The following ENOX1 variants were observed in gnomAD, a reference collection of about 807,000 sequenced individuals.
ENOX1 encodes the protein ecto-NOX disulfide-thiol exchanger 1.
In ENOX1, 42 loss-of-function variants were observed where a neutral mutation model predicts 82.5. The observed-to-expected ratio is 0.51, with a 90% CI of 0.40 to 0.66. The LOEUF is 0.66. Among genes scored for constraint, ENOX1 ranks in the 30% least tolerant of loss-of-function variants. ENOX1 has a pLI of 0.00. For synonymous variants in ENOX1, 271 were observed against 282.2 expected (o/e 0.96, Z 0.40); for missense variants, 608 against 811.6 (o/e 0.75, Z 3.05).
chr13:43,344,321 C>T (rs897092533), intron 9 of ENOX1, among the ~76,000 whole-genome samples: 4 of 152,182 alleles, frequency 2.6e-5, no homozygotes, highest in African/African-American at 9.7e-5. Flanking sequence ...GGAAAAGCTA[C>T]AGAAACGTTG....
intron 1 of ENOX1, among the ~76,000 whole-genome samples, chr13:43,672,892 T>C (rs2085334109): frequency 6.6e-6 from 1 of 152,174 alleles, no homozygotes; most frequent in Non-Finnish European, 1.5e-5. Context: ...CCTACAGTTC[T>C]ACAGCTATGT....
At position 43,480,511 on chromosome 13, in the gene ENOX1, A is replaced by G. The variant is rs866042914; in HGVS notation, c.-75+3498T>C. Among the ~76,000 whole-genome samples the G allele has an allele frequency of 2.0e-5, 3 of 152,348 alleles. No homozygotes were observed. In the South Asian group the frequency reaches 6.2e-4, roughly 32 times the overall value. ...CTCCCAAAGAGAAAAAGGATGATTT[A>G]AAAACTGAGACTAGGATGATACAGG... On this transcript the variant is annotated intron_variant, in intron 3 of 16. Transcript: ENST00000690772.
intron 1 of ENOX1, among the ~76,000 whole-genome samples, chr13:43,742,903 C>T (rs1320117258): frequency 2.0e-5 from 1 of 50,610 alleles, no homozygotes; most frequent in Non-Finnish European, 9.2e-5. Flanking sequence ...CTCAAACTAC[C>T]GTGTGTAAAA....
chr13:43,461,514 G>T (rs2057484647), intron 3 of ENOX1, among the ~76,000 whole-genome samples: 1 of 152,154 alleles, frequency 6.6e-6, no homozygotes, highest in Admixed American at 6.5e-5. Flanking sequence ...AAATTGCAAG[G>T]TCTCTGTCCT....
chr13:43,359,863 T>A lies in ENOX1; in HGVS notation c.577A>T (p.Ile193Phe). The change falls in exon 7 of 17, where the codon ATT becomes TTT. Residue 193 changes from isoleucine (I) to phenylalanine (F), a missense_variant. Transcript: ENST00000690772. ...TAATGCAAAGTACCAGAAAGGTAAATGGCTTTATCAACCATGAATTCCTCT... is the reference window on the plus strand; with the variant it reads ...TAATGCAAAGTACCAGAAAGGTAAAAGGCTTTATCAACCATGAATTCCTCT... ...FAEEFMVDKAIYLSGYRMRLG... is the reference protein window; with the variant it reads ...FAEEFMVDKAFYLSGYRMRLG... 1 of 1,614,146 alleles carries A rather than the reference T, an allele frequency of 6.2e-7. No individual in the cohort carries two copies. Among genetic ancestry groups the A allele is most frequent in the South Asian group, 1.1e-5 (1 of 91,078 alleles).
chr13:43,768,990 TAAAC>T (rs910179753), intron 1 of ENOX1, among the ~76,000 whole-genome samples: 1 of 152,186 alleles, frequency 6.6e-6, no homozygotes, highest in Non-Finnish European at 1.5e-5. Flanking sequence ...GAAAATAAAA[TAAAC>T]AAATTGCTAT....
At chr13:43,542,056 C>T (rs535045005) in intron 2 of ENOX1, among the ~76,000 whole-genome samples, 1 of 152,340 alleles carries the variant, frequency 6.6e-6, no homozygotes, top group Non-Finnish European at 1.5e-5. Context: ...ACGTCAATAA[C>T]AAATGATACA....
intron 3 of ENOX1, among the ~76,000 whole-genome samples, chr13:43,466,289 A>G (rs1410096898): frequency 1.3e-5 from 2 of 152,198 alleles, no homozygotes; most frequent in Non-Finnish European, 2.9e-5. Context: ...ATTTAAAAAC[A>G]AACACTCATC....
chr13:43,568,222 G>T (rs537558691), intron 2 of ENOX1, among the ~76,000 whole-genome samples: 15 of 152,284 alleles, frequency 9.9e-5, no homozygotes, highest in African/African-American at 3.4e-4. Context: ...TCAGATAAAT[G>T]CTTTGCCTGA....
intron 2 of ENOX1, among the ~76,000 whole-genome samples, chr13:43,619,395 T>C (rs1345799051): frequency 6.6e-6 from 1 of 152,160 alleles, no homozygotes; most frequent in Non-Finnish European, 1.5e-5. Context: ...ACGTCTTAGA[T>C]GGCTTTTATT....
intron 2 of ENOX1, among the ~76,000 whole-genome samples, chr13:43,502,899 AG>A (rs1281956568): frequency 6.6e-6 from 1 of 151,468 alleles, no homozygotes; most frequent in Non-Finnish European, 1.5e-5. Flanking sequence ...TACTTTGTAA[AG>A]GAAATAATTG....
intron 9 of ENOX1, among the ~76,000 whole-genome samples, chr13:43,341,314 G>C (rs1445097430): frequency 1.3e-5 from 2 of 151,352 alleles, no homozygotes; most frequent in African/African-American, 4.9e-5. Flanking sequence ...AAAAGAGAGA[G>C]ATGCAGTGAT....
intron 5 of ENOX1, among the ~76,000 whole-genome samples, chr13:43,402,194 CAGGGAAGATACATTTTTAAA>C (rs1169761806): frequency 1.3e-5 from 2 of 151,972 alleles, no homozygotes; most frequent in Non-Finnish European, 2.9e-5. Flanking sequence ...TAAAGAAAGA[CAGGGAAGATACATTTTTAAA>C]AAAGAAGGAA....
At chr13:43,246,328 G>C (rs2043079113) in intron 14 of ENOX1, among the ~76,000 whole-genome samples, 1 of 152,214 alleles carries the variant, frequency 6.6e-6, no homozygotes. Flanking sequence ...TAGGTTGCCG[G>C]TTGCGTGGAT....
rs768517642 is a variant in ENOX1, at chr13:43,356,018, G to A, written c.724C>T (p.Arg242Trp). Residue 242 changes from arginine to tryptophan, a missense_variant, in exon 8 of 17, where the codon CGG becomes TGG. Coordinates refer to ENST00000690772, the MANE Select transcript of ENOX1 (RefSeq NM_001347969.2). ...AGCCGGTCCTCCTCCAGCTTGCGCCGGTGCCGCTCCTCCCGGGCACGCATC... is the reference window on the plus strand; with the variant it reads ...AGCCGGTCCTCCTCCAGCTTGCGCCAGTGCCGCTCCTCCCGGGCACGCATC... Reference protein sequence around the residue: ...QRMRAREERHRRKLEEDRLRP... With the variant: ...QRMRAREERHWRKLEEDRLRP... 16 of 1,614,034 alleles carry A rather than the reference G, an allele frequency of 9.9e-6. No homozygotes were observed. The highest frequency in any genetic ancestry group is 1.1e-5 in the Non-Finnish European group (13 of 1,180,020).
chr13:43,465,984 GCT>G (rs993246344), intron 3 of ENOX1, among the ~76,000 whole-genome samples: 77 of 152,112 alleles, frequency 5.1e-4, no homozygotes, highest in African/African-American at 1.8e-3. Flanking sequence ...CACTCCAATT[GCT>G]CTGTTTTCAT....
intron 1 of ENOX1, among the ~76,000 whole-genome samples, chr13:43,744,183 A>C (rs769746659): frequency 1.3e-5 from 2 of 152,154 alleles, no homozygotes; most frequent in African/African-American, 2.4e-5. Flanking sequence ...CTGCCTCCAC[A>C]GAGAACAGGA....
intron 2 of ENOX1, among the ~76,000 whole-genome samples, chr13:43,660,145 T>C (rs953729851): frequency 6.6e-6 from 1 of 152,192 alleles, no homozygotes; most frequent in Non-Finnish European, 1.5e-5. Context: ...TCAGTATAAT[T>C]TGGCTTACCT....
intron 5 of ENOX1, among the ~76,000 whole-genome samples, chr13:43,370,523 T>C (rs1305897155): frequency 2.0e-5 from 3 of 152,136 alleles, no homozygotes; most frequent in Admixed American, 2.0e-4. Context: ...GGCTGGAAGC[T>C]CATGTGTACT....
Sources: allele counts gnomAD v4.1 joint callset (sites outside exome capture counted in the v4.1 genomes callset), GRCh38; gene constraint gnomAD v4.1.1; transcripts MANE v1.5; gene names NCBI Gene and HGNC (gene_info 2026-07-23, HGNC 2026-07-21).